The following FAM227B variants were observed in gnomAD, a reference collection of about 807,000 sequenced individuals.
FAM227B encodes the protein protein FAM227B.
Under a neutral mutation model 73.8 loss-of-function variants are expected in FAM227B, and 88 were observed. The observed-to-expected ratio is 1.19, with a 90% CI of 1.00 to 1.42. FAM227B has a LOEUF of 1.42. Among genes scored for constraint, FAM227B ranks in the 40% most tolerant of loss-of-function variants. The pLI, the probability that FAM227B is intolerant of heterozygous loss-of-function variation, is 0.00. For missense variants in FAM227B, 632 were observed against 590.9 expected, an observed-to-expected ratio of 1.07 and a Z score of -0.72; for synonymous variants, 210 against 190.5, an observed-to-expected ratio of 1.10 and a Z score of -0.84.
intron 11 of FAM227B, among the ~76,000 whole-genome samples, chr15:49,378,786 CTTTA>C (rs1361443987): frequency 2.0e-5 from 3 of 152,030 alleles, no homozygotes; most frequent in South Asian, 2.1e-4. Flanking sequence ...TTTGGATGCC[CTTTA>C]TTTCTTTCTC....
At chr15:49,502,302 A>G (rs2058205843) in intron 11 of FAM227B, among the ~76,000 whole-genome samples, 1 of 152,150 alleles carries the variant, frequency 6.6e-6, no homozygotes, top group Non-Finnish European at 1.5e-5. Context: ...AGCCACAGAC[A>G]CTCAATAACC....
chr15:49,557,700 A>C (rs1281475855), intron 9 of FAM227B, among the ~76,000 whole-genome samples: 1 of 152,060 alleles, frequency 6.6e-6, no homozygotes, highest in Non-Finnish European at 1.5e-5. Context: ...TGAGTGAGTG[A>C]GAGTCCTGAG....
At chr15:49,602,865 G>A (rs1382919546) in intron 3 of FAM227B, among the ~76,000 whole-genome samples, 1 of 152,260 alleles carries the variant, frequency 6.6e-6, no homozygotes, top group Admixed American at 6.5e-5. Context: ...TCTGCATATG[G>A]ATATCCAGTT....
chr15:49,334,060 A>G (rs765424091), intron 14 of FAM227B, among the ~76,000 whole-genome samples: 4 of 152,232 alleles, frequency 2.6e-5, no homozygotes, highest in Non-Finnish European at 5.9e-5. Context: ...ATGTTTAGCA[A>G]TTAATTAGCA....
intron 11 of FAM227B, chr15:49,422,652 C>A: frequency 1.8e-6 from 2 of 1,109,574 alleles, no homozygotes; most frequent in Non-Finnish European, 1.3e-6. Flanking sequence ...GTAACTTGCC[C>A]GAAGTCATAC....
intron 9 of FAM227B, among the ~76,000 whole-genome samples, chr15:49,547,794 A>G (rs1219093649): frequency 6.6e-6 from 1 of 152,246 alleles, no homozygotes; most frequent in Non-Finnish European, 1.5e-5. Context: ...ACTTATATGC[A>G]TCTAACATAG....
intron 11 of FAM227B, among the ~76,000 whole-genome samples, chr15:49,446,662 G>A (rs185917427): frequency 2.0e-5 from 3 of 151,568 alleles, no homozygotes; most frequent in Non-Finnish European, 4.4e-5. Context: ...AGTGAGGAAT[G>A]GGGATCTCTG....
intron 11 of FAM227B, among the ~76,000 whole-genome samples, chr15:49,496,442 T>C (rs1003464156): frequency 2.0e-5 from 3 of 152,150 alleles, no homozygotes; most frequent in Non-Finnish European, 2.9e-5. Flanking sequence ...AATGGTATTG[T>C]ACCACAATAA....
chr15:49,329,825 G>C (rs62012164), intron 15 of FAM227B: 3 of 487,392 alleles, frequency 6.2e-6, no homozygotes, highest in Non-Finnish European at 7.9e-6. Flanking sequence ...AAAAAAAAAG[G>C]CACCTGTCAT....
At chr15:49,346,997 A>G (rs2041600969) in intron 13 of FAM227B, among the ~76,000 whole-genome samples, 1 of 152,232 alleles carries the variant, frequency 6.6e-6, no homozygotes, top group Admixed American at 6.5e-5. Context: ...GGTTATAAGC[A>G]CATGTGACTT....
chr15:49,503,818 A>G (rs1474512495), intron 11 of FAM227B, among the ~76,000 whole-genome samples: 1 of 152,228 alleles, frequency 6.6e-6, no homozygotes, highest in Admixed American at 6.5e-5. Context: ...ACACGTTTAC[A>G]CTGTTGGTGG....
At chr15:49,606,486 C>G (rs762973195) in intron 3 of FAM227B, among the ~76,000 whole-genome samples, 2 of 152,188 alleles carry the variant, frequency 1.3e-5, no homozygotes, top group Non-Finnish European at 2.9e-5. Context: ...CTCTTCCTTA[C>G]GTGGATATCC....
intron 10 of FAM227B, among the ~76,000 whole-genome samples, chr15:49,534,625 T>C (rs1425270966): frequency 2.6e-5 from 4 of 151,862 alleles, no homozygotes; most frequent in Non-Finnish European, 5.9e-5. Flanking sequence ...ATACAGACTA[T>C]TCCATCCAAC....
At chr15:49,524,626 A>G (rs1241958215) in intron 10 of FAM227B, among the ~76,000 whole-genome samples, 2 of 152,204 alleles carry the variant, frequency 1.3e-5, no homozygotes, top group Middle Eastern at 3.2e-3. Flanking sequence ...CCAGAATGGT[A>G]GATCCACTGA....
intron 11 of FAM227B, among the ~76,000 whole-genome samples, chr15:49,459,790 C>A (rs1055201595): frequency 6.6e-6 from 1 of 152,072 alleles, no homozygotes; most frequent in Non-Finnish European, 1.5e-5. Context: ...ATGGCTCATC[C>A]CGGCTCCTGT....
intron 4 of FAM227B, among the ~76,000 whole-genome samples, chr15:49,589,350 A>T (rs992401382): frequency 6.6e-6 from 1 of 151,936 alleles, no homozygotes; most frequent in Non-Finnish European, 1.5e-5. Context: ...AATACTCTGT[A>T]CCTCCACTCC....
At chr15:49,415,543 G>A (rs2049153986) in intron 11 of FAM227B, among the ~76,000 whole-genome samples, 1 of 152,004 alleles carries the variant, frequency 6.6e-6, no homozygotes. Context: ...CAAACTAGTA[G>A]CTCCAACTAG....
At chr15:49,492,854 G>A (rs1486736694) in intron 11 of FAM227B, among the ~76,000 whole-genome samples, 2 of 151,818 alleles carry the variant, frequency 1.3e-5, no homozygotes, top group African/African-American at 4.8e-5. Context: ...CTGGAAGAGT[G>A]GGATGTTGGT....
chr15:49,446,952 C>T (rs776535047), intron 11 of FAM227B, among the ~76,000 whole-genome samples: 1 of 151,448 alleles, frequency 6.6e-6, no homozygotes, highest in Non-Finnish European at 1.5e-5. Flanking sequence ...CAGAGAAATA[C>T]TCCAGAAGTT....
Sources: allele counts gnomAD v4.1 joint callset (sites outside exome capture counted in the v4.1 genomes callset), GRCh38; gene constraint gnomAD v4.1.1; transcripts MANE v1.5; gene names NCBI Gene and HGNC (gene_info 2026-07-23, HGNC 2026-07-21).